Variants in CASK observed in about 807,000 individuals in gnomAD.
CASK encodes the protein peripheral plasma membrane protein CASK.
CASK carries 4 observed loss-of-function variants against 82.9 expected under a neutral mutation model. The ratio of observed to expected loss-of-function variants is 0.05; its 90% CI spans 0.02 to 0.11. The LOEUF is 0.11. Ranked by LOEUF, CASK falls within the 10% of genes least tolerant of loss-of-function variation. The pLI is 1.00. For missense variants in CASK, 358 were observed against 720.9 expected (o/e 0.50, Z 5.76); for synonymous variants, 259 against 253.5 (o/e 1.02, Z -0.20).
intron 2 of CASK, among the ~76,000 whole-genome samples, chrX:41,797,074 C>T (rs975585720): frequency 3.6e-5 from 4 of 111,356 alleles, no homozygotes; most frequent in African/African-American, 1.3e-4. Context: ...CTAGGGTTCA[C>T]AGACCTATTT....
At chrX:41,811,506 T>C (rs2070284834) in intron 2 of CASK, among the ~76,000 whole-genome samples, 1 of 111,876 alleles carries the variant, frequency 8.9e-6, no homozygotes, top group Non-Finnish European at 1.9e-5. Flanking sequence ...CATAACGAAA[T>C]GAAGGCAGAA....
chrX:41,708,482 T>C (rs2067920604), intron 5 of CASK, among the ~76,000 whole-genome samples: 1 of 112,431 alleles, frequency 8.9e-6, no homozygotes, highest in Non-Finnish European at 1.9e-5. Context: ...TGATAATCAC[T>C]AGTACAAAAC....
In CASK at chrX:41,856,824, G is replaced by A. The variant is rs776067074; in HGVS notation, c.60-3597C>T. Among the ~76,000 whole-genome samples the A allele has an allele frequency of 2.8e-5, 3 of 106,680 alleles. No homozygotes were observed. In the South Asian group the frequency reaches 1.3e-3, roughly 45 times the overall value. 92.6% of individuals were successfully genotyped at this position (106,680 alleles called of 115,157 possible). A position where few individuals can be genotyped will look rare whatever the true frequency, so the allele number is the denominator to read the frequency against. On this transcript the variant is annotated intron_variant, in intron 1 of 26. Coordinates refer to ENST00000378163, the MANE Select transcript of CASK (RefSeq NM_001367721.1). The stretch of plus-strand genomic sequence containing the variant: ...AAAAAAAAAAAAAAACCAAACTGTA[G>A]GGTCTCACAACTGGAAACACAAGGC...
chrX:41,607,001 C>T (rs929427058), intron 12 of CASK, among the ~76,000 whole-genome samples: 1 of 112,447 alleles, frequency 8.9e-6, no homozygotes, highest in African/African-American at 3.2e-5. Flanking sequence ...TCTTATACTG[C>T]ACCTTTTTAA....
chrX:41,609,244 T>C lies in CASK; in HGVS notation c.1155+660A>G, dbSNP rs757718498. ...GATTCTCCTGCCTCAGCCTCCCGAG[T>C]AGCCAGGATTACAGGCATGCACCAC... On this transcript the variant is annotated intron_variant, in intron 12 of 26. Coordinates refer to ENST00000378163, the MANE Select transcript of CASK (RefSeq NM_001367721.1). Among the ~76,000 whole-genome samples the C allele has an allele frequency of 9.0e-5, 10 of 110,790 alleles. No individual in the cohort carries two copies. In the South Asian group the frequency reaches 1.2e-3, roughly 13 times the overall value.
chrX:41,916,507 A>G (rs1023952669), intron 1 of CASK, among the ~76,000 whole-genome samples: 5 of 111,898 alleles, frequency 4.5e-5, no homozygotes, highest in African/African-American at 9.8e-5. Context: ...ACTAAAAAAT[A>G]AAACCAAAAA....
intron 11 of CASK, among the ~76,000 whole-genome samples, chrX:41,613,604 C>T (rs1479072111): frequency 1.4e-4 from 12 of 84,597 alleles, no homozygotes; most frequent in Non-Finnish European, 2.5e-4. Flanking sequence ...TCCCCCTCTG[C>T]GAGAAACACC....
intron 4 of CASK, among the ~76,000 whole-genome samples, chrX:41,740,139 G>A (rs761311259): frequency 9.0e-5 from 10 of 111,471 alleles, no homozygotes; most frequent in South Asian, 3.7e-4. Flanking sequence ...ATGGTAATGG[G>A]GTTAACTAGC....
At chrX:41,921,589 C>T (rs774598038) in intron 1 of CASK, among the ~76,000 whole-genome samples, 132 of 111,361 alleles carry the variant, frequency 1.2e-3, no homozygotes, top group Non-Finnish European at 2.2e-3. Context: ...CATTTGGATA[C>T]TTTCCTTTTA....
intron 2 of CASK, among the ~76,000 whole-genome samples, chrX:41,823,922 A>G (rs1194500154): frequency 8.9e-6 from 1 of 111,867 alleles, no homozygotes; most frequent in East Asian, 2.8e-4. Context: ...TACCAAAACG[A>G]TGAAGATTTT....
Position 41,569,751 on chromosome X carries a change from T to TAA in CASK, c.1504-7_1504-6dup. On this transcript the variant is annotated splice_polypyrimidine_tract_variant and splice_region_variant and intron_variant, in intron 15 of 26. Coordinates refer to ENST00000378163, the MANE Select transcript of CASK (RefSeq NM_001367721.1). ...ATTCATTTTTAAAGTGATTCCCTGT[T>TAA]AAAAAAAAAATAAAAAGTTCAGCAA... The TAA allele has an allele frequency of 3.0e-6, 3 of 1,001,109 alleles. No individual in the cohort carries two copies. The highest frequency in any genetic ancestry group is 4.1e-6 in the Non-Finnish European group (3 of 723,925). 82.5% of individuals were successfully genotyped at this position (1,001,109 alleles called of 1,213,427 possible). A position where few individuals can be genotyped will look rare whatever the true frequency, so the allele number is the denominator to read the frequency against.
At chrX:41,564,825 T>C (rs768953289) in intron 16 of CASK, among the ~76,000 whole-genome samples, 1 of 111,304 alleles carries the variant, frequency 9.0e-6, no homozygotes, top group South Asian at 3.8e-4. Flanking sequence ...ATTGACCACA[T>C]AATTGGAAGT....
In CASK at chrX:41,848,541, C is replaced by T. The variant is rs372271359; in HGVS notation, c.172+4574G>A. 6.2e-5 allele frequency among the ~76,000 whole-genome samples: 7 copies of T among 112,054 alleles called. No individual in the cohort carries two copies. The South Asian group carries it at 2.3e-3, about 36-fold the overall frequency. ...GACTGGAAGTTTCCTGAAGCCCTCA[C>T]CAGAAGCAGATGCTGGTGTCATGCT... On this transcript the variant is annotated intron_variant, in intron 2 of 26. Transcript: ENST00000378163.
At chrX:41,644,199 C>T (rs1305398443) in intron 8 of CASK, among the ~76,000 whole-genome samples, 8 of 111,716 alleles carry the variant, frequency 7.2e-5, no homozygotes, top group African/African-American at 2.6e-4. Flanking sequence ...AGGATTTTTG[C>T]ATTGATGTTC....
At chrX:41,744,953 C>A (rs898673160) in intron 4 of CASK, among the ~76,000 whole-genome samples, 1 of 111,845 alleles carries the variant, frequency 8.9e-6, no homozygotes, top group Admixed American at 9.5e-5. Context: ...CAAAAATCAT[C>A]AGAAATGGGA....
chrX:41,646,046 T>C (rs991683086), intron 8 of CASK, among the ~76,000 whole-genome samples: 1 of 111,220 alleles, frequency 9.0e-6, no homozygotes, highest in Non-Finnish European at 1.9e-5. Flanking sequence ...AATACCCCCC[T>C]CTGTGCCTCG....
At chrX:41,873,852 C>A (rs933738894) in intron 1 of CASK, among the ~76,000 whole-genome samples, 1 of 101,341 alleles carries the variant, frequency 9.9e-6, no homozygotes, top group African/African-American at 3.7e-5. Context: ...TGCAGTGGCA[C>A]GATCTCGGCT....
chrX:41,639,717 A>G (rs1246845699), intron 8 of CASK, among the ~76,000 whole-genome samples: 1 of 111,818 alleles, frequency 8.9e-6, no homozygotes, highest in Non-Finnish European at 1.9e-5. Context: ...CATCATGCTC[A>G]AAAGTATCTT....
chrX:41,561,516 G>C lies in CASK; in HGVS notation c.1668+43C>G, dbSNP rs773383046. ...GTATATTTAAAAACAAGCTAACAAAGTAAAAGTCAATTTTAGGAAAGGAAA... is the reference window on the plus strand; with the variant it reads ...GTATATTTAAAAACAAGCTAACAAACTAAAAGTCAATTTTAGGAAAGGAAA... On this transcript the variant is annotated intron_variant, in intron 17 of 26. Coordinates refer to ENST00000378163, the MANE Select transcript of CASK (RefSeq NM_001367721.1). 6.4e-6 allele frequency: 6 copies of C among 934,324 alleles called. No individual in the cohort carries two copies. The South Asian group carries it at 8.0e-5, about 12-fold the overall frequency. 77.0% of individuals were successfully genotyped at this position (934,324 alleles called of 1,213,427 possible). A position where few individuals can be genotyped will look rare whatever the true frequency, so the allele number is the denominator to read the frequency against.
Sources: gnomAD v4.1 joint callset for allele counts (sites outside exome capture counted in the v4.1 genomes callset) on GRCh38, gnomAD v4.1.1 for gene constraint, MANE v1.5 for transcripts, NCBI Gene and HGNC (gene_info 2026-07-23, HGNC 2026-07-21) for gene names.